CNTNAP5: variants seen among roughly 807,000 people sequenced by gnomAD.
CNTNAP5 encodes the protein contactin-associated protein-like 5.
In CNTNAP5, 72 loss-of-function variants were observed where a neutral mutation model predicts 150.2. The ratio of observed to expected loss-of-function variants is 0.48; its 90% confidence interval spans 0.40 to 0.58. CNTNAP5 has a LOEUF of 0.58. Ranked by LOEUF, CNTNAP5 falls within the 20% of genes least tolerant of loss-of-function variation. The probability of loss-of-function intolerance (pLI) is 0.00; values close to 1 mark genes in which losing one functional copy is unlikely to be tolerated. For synonymous variants in CNTNAP5, 672 were observed against 619.8 expected (o/e 1.08, Z -1.25); for missense variants, 1,636 against 1,626.2 (o/e 1.01, Z -0.10).
At chr2:124,182,128 T>A (rs1204704052) in intron 1 of CNTNAP5, among the ~76,000 whole-genome samples, 1 of 152,176 alleles carries the variant, frequency 6.6e-6, no homozygotes, top group Non-Finnish European at 1.5e-5. Context: ...TATAATTTCT[T>A]CTCACAATAA....
In CNTNAP5 at chr2:124,252,930, T is replaced by G. The variant is rs567412443; in HGVS notation, c.381+10537T>G. ...AGATGTGAATAAAGACCAATATTTGTAGAAGGCGATCTTATTATTTAAGAC... is the reference window on the plus strand; with the variant it reads ...AGATGTGAATAAAGACCAATATTTGGAGAAGGCGATCTTATTATTTAAGAC... On this transcript the variant is annotated intron_variant, in intron 3 of 23. Transcript: ENST00000682447. Among the ~76,000 whole-genome samples, 14 of 152,160 alleles carry G rather than the reference T, an allele frequency of 9.2e-5. No individual in the cohort carries two copies. In the South Asian group the frequency reaches 2.5e-3, roughly 27 times the overall value.
intron 3 of CNTNAP5, 60 bp from the exon 4 acceptor site, chr2:124,417,383 G>C: frequency 1.3e-6 from 2 of 1,559,838 alleles, no homozygotes; most frequent in Non-Finnish European, 1.8e-6. Context: ...AACAAATATG[G>C]TTTTCCACTG....
chr2:124,361,660 G>A (rs1690201821), intron 3 of CNTNAP5, among the ~76,000 whole-genome samples: 1 of 139,682 alleles, frequency 7.2e-6, no homozygotes, highest in Non-Finnish European at 1.6e-5. Flanking sequence ...GAGGCAGTCT[G>A]CCGGTTCTCA....
intron 1 of CNTNAP5, among the ~76,000 whole-genome samples, chr2:124,193,201 A>G (rs942146014): frequency 1.3e-5 from 2 of 152,216 alleles, no homozygotes; most frequent in African/African-American, 4.8e-5. Flanking sequence ...GCTTAGCTTA[A>G]TTAAATCTGC....
At chr2:124,678,223 A>C (rs1470189381) in intron 13 of CNTNAP5, among the ~76,000 whole-genome samples, 1 of 151,858 alleles carries the variant, frequency 6.6e-6, no homozygotes, top group East Asian at 1.9e-4. Context: ...GGAAGGTTGC[A>C]TAGCAGTTAA....
At chr2:124,208,654 T>C (rs1429680772) in intron 1 of CNTNAP5, among the ~76,000 whole-genome samples, 2 of 152,286 alleles carry the variant, frequency 1.3e-5, no homozygotes, top group East Asian at 1.9e-4. Flanking sequence ...CCATGCCAGT[T>C]TATTGTCCAT....
At chr2:124,457,590 A>T in intron 6 of CNTNAP5, among the ~76,000 whole-genome samples, 1 of 152,300 alleles carries the variant, frequency 6.6e-6, no homozygotes, top group Non-Finnish European at 1.5e-5. Context: ...TAGGATGTGC[A>T]GATTTGTTAC....
intron 6 of CNTNAP5, among the ~76,000 whole-genome samples, chr2:124,456,242 C>A (rs74761847): frequency 2.0e-5 from 3 of 152,032 alleles, no homozygotes; most frequent in Non-Finnish European, 2.9e-5. Context: ...ATCAATGTAG[C>A]TCTTCTGTAC....
At chr2:124,413,897 A>G (rs1010174800) in intron 3 of CNTNAP5, among the ~76,000 whole-genome samples, 4 of 126,806 alleles carry the variant, frequency 3.2e-5, no homozygotes, top group Admixed American at 7.8e-5. Context: ...AAATAAATAA[A>G]TAAATTAAAA....
rs1240491405 is a variant in CNTNAP5, at chr2:124,763,555, C to T, written c.2235-117C>T. On this transcript the variant is annotated intron_variant, in intron 14 of 23. Transcript: ENST00000682447. ...ATGAAAGGCCTTCTGTTTTCCCCCT[C>T]TCTGCCCCTACCCTGCTGCAACTGG... 3.3e-6 allele frequency: 3 copies of T among 896,008 alleles called. No homozygotes were observed. In the Admixed American group the frequency reaches 7.4e-5, roughly 22 times the overall value. 55.5% of individuals were successfully genotyped at this position (896,008 alleles called of 1,614,324 possible). A position where few individuals can be genotyped will look rare whatever the true frequency, so the allele number is the denominator to read the frequency against.
intron 11 of CNTNAP5, 87 bp downstream of exon 11, chr2:124,563,410 C>CA (rs1695939085): frequency 1.3e-6 from 1 of 774,512 alleles, no homozygotes; most frequent in Non-Finnish European, 2.2e-6. Context: ...TAGCATGGGG[C>CA]AGGCATGTTT....
intron 22 of CNTNAP5, among the ~76,000 whole-genome samples, chr2:124,905,465 C>CA (rs1284097996): frequency 6.6e-6 from 1 of 151,956 alleles, no homozygotes; most frequent in Non-Finnish European, 1.5e-5. Flanking sequence ...AGAAAAAACC[C>CA]ACAGCACCAT....
intron 7 of CNTNAP5, among the ~76,000 whole-genome samples, chr2:124,487,974 A>C: frequency 6.6e-6 from 1 of 152,168 alleles, no homozygotes. Flanking sequence ...TAGGTCTAAG[A>C]CTGCTCTGGA....
chr2:124,289,613 T>C (rs1398180367), intron 3 of CNTNAP5, among the ~76,000 whole-genome samples: 2 of 152,222 alleles, frequency 1.3e-5, no homozygotes, highest in Admixed American at 6.5e-5. Flanking sequence ...CGAACATTCA[T>C]TGCATAGCCA....
intron 12 of CNTNAP5, among the ~76,000 whole-genome samples, chr2:124,643,302 G>T (rs1185078443): frequency 6.6e-6 from 1 of 152,120 alleles, no homozygotes; most frequent in Non-Finnish European, 1.5e-5. Flanking sequence ...TGTGGGATTG[G>T]GTAGTGGTGT....
At chr2:124,263,450 T>C (rs1185181425) in intron 3 of CNTNAP5, among the ~76,000 whole-genome samples, 1 of 152,252 alleles carries the variant, frequency 6.6e-6, no homozygotes, top group East Asian at 1.9e-4. Flanking sequence ...AGACGTCTTC[T>C]TTTGAGAAGT....
At chr2:124,608,638 C>T (rs991472159) in intron 11 of CNTNAP5, among the ~76,000 whole-genome samples, 1 of 152,120 alleles carries the variant, frequency 6.6e-6, no homozygotes, top group South Asian at 2.1e-4. Flanking sequence ...ATACTTAGTA[C>T]TAGGTACATA....
rs2105095474 is a variant in CNTNAP5 at position 124,706,150 on chromosome 2, A to G, written c.2078-41079A>G. ...GTTACTGCTCCACACCATCTCCAGC[A>G]AAGGGACTTACCCAAAAGACGAGTG... is the stretch of plus-strand genomic sequence containing the variant. On this transcript the variant is annotated intron_variant, in intron 13 of 23. Coordinates refer to ENST00000682447, the MANE Select transcript of CNTNAP5 (RefSeq NM_001367498.1). 1.3e-5 allele frequency among the ~76,000 whole-genome samples: 2 copies of G among 152,340 alleles called. 1 individual carries two copies.
intron 19 of CNTNAP5, among the ~76,000 whole-genome samples, chr2:124,843,038 A>G (rs191633769): frequency 1.8e-3 from 269 of 152,074 alleles, no homozygotes; most frequent in Middle Eastern, 3.4e-3. Context: ...AATATGTAAC[A>G]TTTTATTCCT....
Sources: gnomAD v4.1 joint callset for allele counts (sites outside exome capture counted in the v4.1 genomes callset) on GRCh38, gnomAD v4.1.1 for gene constraint, MANE v1.5 for transcripts, NCBI Gene and HGNC (gene_info 2026-07-23, HGNC 2026-07-21) for gene names.